Variants in QTMAN observed in about 807,000 individuals in gnomAD.
The protein encoded by QTMAN is queuosine-tRNA mannosyltransferase.
At chr2:144,160,493 G>A in the QTMAN span, among the ~76,000 whole-genome samples, 3 of 152,102 alleles carry the variant, frequency 2.0e-5, no homozygotes, top group East Asian at 5.8e-4. Context: ...GTATTACATG[G>A]CAAAGTGAGA....
At chr2:144,210,166 T>C in the QTMAN span, among the ~76,000 whole-genome samples, 3 of 152,122 alleles carry the variant, frequency 2.0e-5, no homozygotes, top group African/African-American at 4.8e-5. Context: ...ATCAAGGACA[T>C]ACATGTTTGA....
chr2:144,093,038 T>C, the QTMAN span, among the ~76,000 whole-genome samples: 1 of 152,144 alleles, frequency 6.6e-6, no homozygotes, highest in African/African-American at 2.4e-5. Context: ...TCAAGTTATT[T>C]ATATGGTGGA....
the QTMAN span, among the ~76,000 whole-genome samples, chr2:144,039,842 G>T: frequency 1.3e-5 from 2 of 152,142 alleles, no homozygotes; most frequent in African/African-American, 4.8e-5. Flanking sequence ...AATTGACACT[G>T]TTTCTTTTTA....
chr2:144,010,528 G>A, the QTMAN span, among the ~76,000 whole-genome samples: 1 of 152,108 alleles, frequency 6.6e-6, no homozygotes, highest in African/African-American at 2.4e-5. Context: ...AATTGGACAA[G>A]ATGAGCAAGA....
the QTMAN span, among the ~76,000 whole-genome samples, chr2:144,326,166 C>T: frequency 6.6e-6 from 1 of 152,170 alleles, no homozygotes; most frequent in Non-Finnish European, 1.5e-5. Context: ...TAATCAAATT[C>T]ATGAAAAACT....
the QTMAN span, among the ~76,000 whole-genome samples, chr2:144,264,945 T>C: frequency 6.6e-6 from 1 of 152,220 alleles, no homozygotes; most frequent in South Asian, 2.1e-4. Flanking sequence ...CAGCTGTATT[T>C]CTCAATCAAT....
chr2:144,096,049 C>T, the QTMAN span, among the ~76,000 whole-genome samples: 185 of 152,306 alleles, frequency 1.2e-3, no homozygotes, highest in African/African-American at 4.3e-3. Context: ...CTCTCTAAAA[C>T]AAACTCTCTC....
At chr2:144,186,642 CTG>C in the QTMAN span, among the ~76,000 whole-genome samples, 1 of 152,144 alleles carries the variant, frequency 6.6e-6, no homozygotes, top group African/African-American at 2.4e-5. Flanking sequence ...ATGATTGAGC[CTG>C]TTTCTATTTG....
At chr2:144,189,942 C>T in the QTMAN span, among the ~76,000 whole-genome samples, 1 of 152,132 alleles carries the variant, frequency 6.6e-6, no homozygotes, top group African/African-American at 2.4e-5. Context: ...TTCTTCACTG[C>T]ATAATAGGGT....
the QTMAN span, among the ~76,000 whole-genome samples, chr2:144,160,136 T>C: frequency 2.2e-4 from 33 of 152,034 alleles, no homozygotes; most frequent in Non-Finnish European, 4.0e-4. Flanking sequence ...GCACTAAAAA[T>C]GTACCTTCAA....
the QTMAN span, among the ~76,000 whole-genome samples, chr2:144,277,356 A>C: frequency 6.6e-6 from 1 of 152,094 alleles, no homozygotes; most frequent in Non-Finnish European, 1.5e-5. Flanking sequence ...CTCCACCCCC[A>C]CCATAAATGT....
chr2:144,310,047 G>A, the QTMAN span, among the ~76,000 whole-genome samples: 4 of 112 alleles, frequency 0.036, no homozygotes, highest in South Asian at 0.5. Context: ...CAAAATATAC[G>A]TAAGTTCATC....
chr2:143,981,882 T>C, the QTMAN span, among the ~76,000 whole-genome samples: 1 of 152,220 alleles, frequency 6.6e-6, no homozygotes, highest in Non-Finnish European at 1.5e-5. Flanking sequence ...ACATGTCTCC[T>C]CTCTTCTGTA....
the QTMAN span, among the ~76,000 whole-genome samples, chr2:144,067,293 G>GT: frequency 5.9e-5 from 9 of 152,154 alleles, no homozygotes; most frequent in African/African-American, 2.2e-4. Flanking sequence ...AAAATTTAAG[G>GT]TTTTTTAAAT....
chr2:144,307,807 T>C, the QTMAN span, among the ~76,000 whole-genome samples: 2 of 152,240 alleles, frequency 1.3e-5, no homozygotes, highest in African/African-American at 4.8e-5. Context: ...CACTGAAAAC[T>C]ACAAAACATT....
the QTMAN span, among the ~76,000 whole-genome samples, chr2:144,250,648 C>A: frequency 2.0e-5 from 3 of 149,208 alleles, no homozygotes; most frequent in Non-Finnish European, 3.0e-5. Context: ...ACTTACCAGA[C>A]ATACTAACCT....
chr2:143,988,022 T>C, the QTMAN span, among the ~76,000 whole-genome samples: 1 of 152,174 alleles, frequency 6.6e-6, no homozygotes, highest in African/African-American at 2.4e-5. Flanking sequence ...AGAGTGACCA[T>C]GGCTTGTATC....
chr2:144,116,132 T>C, the QTMAN span, among the ~76,000 whole-genome samples: 2 of 152,072 alleles, frequency 1.3e-5, no homozygotes, highest in Non-Finnish European at 2.9e-5. Context: ...ATGTACACCA[T>C]AACATTCTAT....
chr2:144,111,585 T>A, the QTMAN span, among the ~76,000 whole-genome samples: 1 of 152,178 alleles, frequency 6.6e-6, no homozygotes, highest in African/African-American at 2.4e-5. Context: ...ACTGCATCTG[T>A]CCAGCTTCAG....
Sources: gnomAD v4.1 joint callset for allele counts (sites outside exome capture counted in the v4.1 genomes callset) on GRCh38, gnomAD v4.1.1 for gene constraint, MANE v1.5 for transcripts, NCBI Gene and HGNC (gene_info 2026-07-23, HGNC 2026-07-21) for gene names.